ADGRV1: variants seen among roughly 807,000 people sequenced by gnomAD.
ADGRV1 encodes the protein adhesion G protein-coupled receptor V1, also known as G-protein coupled receptor 98.
ADGRV1 carries 359 observed loss-of-function variants against 596.2 expected under a neutral mutation model. That is an observed-to-expected ratio of 0.60 (90% CI 0.55 to 0.66). The LOEUF is 0.66. Among genes scored for constraint, ADGRV1 ranks in the 30% least tolerant of loss-of-function variants. ADGRV1 has a pLI of 0.00. For synonymous variants in ADGRV1, 2,681 were observed against 2,679.2 expected (o/e 1.00, Z -0.02); for missense variants, 7,274 against 7,575.6 (o/e 0.96, Z 1.48).
intron 87 of ADGRV1, among the ~76,000 whole-genome samples, chr5:91,147,398 A>G (rs1388062281): frequency 2.6e-5 from 4 of 152,218 alleles, no homozygotes; most frequent in East Asian, 1.9e-4. Context: ...CCCCACCCAA[A>G]TCTCGCCTTG....
rs745735875 is a variant in ADGRV1, at chr5:91,150,207, G to A, written c.18610G>A (p.Gly6204Ser). Residue 6204 changes from glycine (G) to serine (S), a missense_variant, in exon 88 of 90, where the codon GGT becomes AGT. By Grantham distance (56) the Gly-to-Ser change is moderately conservative (BLOSUM62 0). Around this residue, in one of 5 missense-constraint regions of ADGRV1, gnomAD observed 1,874 missense variants for 1,970.2 expected, o/e 0.95. Transcript: ENST00000405460. ...EISKSTQNLI[G>S]AMEEVPPDWE... ...CAGCAAGTCCACCCAGAATCTCATC[G>A]GTGCTATGGAGGAGGTGTCTGCCCT... is the stretch of plus-strand genomic sequence containing the variant. The A allele has an allele frequency of 2.1e-5, 33 of 1,572,522 alleles. No individual in the cohort carries two copies. Among genetic ancestry groups the A allele is most frequent in the Middle Eastern group, 3.5e-4 (2 of 5,700 alleles).
Position 90,681,310 on chromosome 5 carries a change from T to C in ADGRV1, c.5525-5T>C. ...TTTTCTATTTGTTGGAACTTGTTCA[T>C]GCAGCCAGTCTAGGAGTGGCTTCCC... is the stretch of plus-strand genomic sequence containing the variant. On this transcript the variant is annotated splice_polypyrimidine_tract_variant and splice_region_variant and intron_variant, in intron 26 of 89. Transcript: ENST00000405460. 1 of 1,611,804 alleles carries C rather than the reference T, an allele frequency of 6.2e-7. No individual in the cohort carries two copies. The highest frequency in any genetic ancestry group is 8.5e-7 in the Non-Finnish European group (1 of 1,179,042).
At chr5:91,132,663 A>T (rs894427216) in intron 87 of ADGRV1, among the ~76,000 whole-genome samples, 8 of 152,260 alleles carry the variant, frequency 5.3e-5, no homozygotes, top group Non-Finnish European at 8.8e-5. Context: ...TTCCTGAGGA[A>T]GTGAAATCAG....
chr5:90,991,899 A>C (rs1233197300), intron 85 of ADGRV1, among the ~76,000 whole-genome samples: 1 of 152,242 alleles, frequency 6.6e-6, no homozygotes, highest in East Asian at 1.9e-4. Flanking sequence ...GTTAGAGAGC[A>C]CATTTACTTA....
chr5:90,653,808 A>G lies in ADGRV1; in HGVS notation c.4234A>G (p.Lys1412Glu). ...GGGTTCCAATGCTACATACATTGCC[A>G]AGACAACAGTCATGAAATATTTAGA... The part of the protein sequence containing the change: ...TLGSNATYIA[K>E]TTVMKYLEES... The change falls in exon 20 of 90, where the codon AAG becomes GAG. Residue 1412 changes from lysine (K) to glutamate (E), a missense_variant. Transcript: ENST00000405460. The G allele has an allele frequency of 6.2e-7, 1 of 1,613,586 alleles. No individual in the cohort carries two copies. Among genetic ancestry groups the G allele is most frequent in the Non-Finnish European group, 8.5e-7 (1 of 1,179,712 alleles).
chr5:91,149,263 A>G (rs968950406), intron 87 of ADGRV1, among the ~76,000 whole-genome samples: 7 of 152,128 alleles, frequency 4.6e-5, no homozygotes, highest in African/African-American at 1.7e-4. Flanking sequence ...GTTCTCCACA[A>G]CTCACCTTGA....
At chr5:90,906,696 GAT>G (rs1772356378) in intron 83 of ADGRV1, among the ~76,000 whole-genome samples, 2 of 151,972 alleles carry the variant, frequency 1.3e-5, no homozygotes, top group South Asian at 4.2e-4. Context: ...TTGTTTCACT[GAT>G]GTTTTGTATT....
At chr5:90,956,648 C>T (rs932048511) in intron 83 of ADGRV1, among the ~76,000 whole-genome samples, 3 of 152,150 alleles carry the variant, frequency 2.0e-5, no homozygotes, top group African/African-American at 4.8e-5. Flanking sequence ...CCTTTGCACT[C>T]GTTGTTCTTC....
At chr5:90,811,854 A>G (rs962275858) in intron 74 of ADGRV1, among the ~76,000 whole-genome samples, 2 of 151,350 alleles carry the variant, frequency 1.3e-5, no homozygotes, top group African/African-American at 4.9e-5. Flanking sequence ...AAATTTTAAT[A>G]ATTTTTTTGT....
intron 67 of ADGRV1, 108 bp downstream of exon 67, chr5:90,784,165 T>A: frequency 1.4e-6 from 1 of 721,824 alleles, no homozygotes; most frequent in Non-Finnish European, 2.2e-6. Flanking sequence ...CCAATCAATA[T>A]TTATTAATTA....
At chr5:91,063,876 ATGG>A in intron 85 of ADGRV1, among the ~76,000 whole-genome samples, 1 of 150,990 alleles carries the variant, frequency 6.6e-6, no homozygotes, top group East Asian at 1.9e-4. Context: ...GGTGGTGGTG[ATGG>A]TGGTGATGCT....
chr5:91,051,785 T>G (rs1282686864), intron 85 of ADGRV1, among the ~76,000 whole-genome samples: 3 of 151,880 alleles, frequency 2.0e-5, no homozygotes, highest in Admixed American at 6.6e-5. Flanking sequence ...CTTAGGATAT[T>G]TTTGACTTAA....
At position 91,163,850 on chromosome 5, in the gene ADGRV1, T is replaced by C; in HGVS notation, c.18871T>C (p.Ser6291Pro). ...GSQEGGTLTD[S>P]QIVELRRIPI... ...CCAGGAGGGGGGCACCTTGACTGAC[T>C]CCCAGATCGTGGAGCTCAGGAGGAT... Residue 6291 changes from serine (S) to proline (P), a missense_variant, in exon 90 of 90, where the codon TCC (serine) becomes CCC (proline). Ser to Pro is a moderately conservative substitution (Grantham distance 74). This residue lies in a region of ADGRV1 where 1,874 missense variants were observed against 1,970.2 expected (regional missense o/e 0.95). Transcript: ENST00000405460. 6.2e-7 allele frequency: 1 copy of C among 1,607,826 alleles called. No individual in the cohort carries two copies. Among genetic ancestry groups the C allele is most frequent in the Non-Finnish European group, 8.5e-7 (1 of 1,175,836 alleles).
In ADGRV1 at chr5:90,684,143, C is replaced by G. The variant is rs1457848904; in HGVS notation, c.6222C>G (p.Val2074=). The G allele has an allele frequency of 6.2e-7, 1 of 1,613,804 alleles. No individual in the cohort carries two copies. Among genetic ancestry groups the G allele is most frequent in the Non-Finnish European group, 8.5e-7 (1 of 1,179,814 alleles). The change falls in exon 28 of 90, where the codon GTC becomes GTG. Residue 2074 remains valine, a synonymous_variant. Transcript: ENST00000405460. ...DDDEPERSES[V]FIELLNSTLV... ...ATGAGCCAGAAAGGTCCGAATCTGTCTTTATCGAACTACTCAACTCTACTT... is the reference window on the plus strand; with the variant it reads ...ATGAGCCAGAAAGGTCCGAATCTGTGTTTATCGAACTACTCAACTCTACTT...
intron 57 of ADGRV1, 143 bp from the exon 58 acceptor site, chr5:90,759,266 C>G: frequency 1.7e-6 from 1 of 597,796 alleles, no homozygotes; most frequent in Middle Eastern, 4.1e-4. Flanking sequence ...TTTTTAGTAC[C>G]ATGTTTCTGA....
intron 83 of ADGRV1, among the ~76,000 whole-genome samples, chr5:90,911,956 C>T (rs1396225322): frequency 6.6e-6 from 1 of 151,984 alleles, no homozygotes; most frequent in Non-Finnish European, 1.5e-5. Context: ...AGCATAAAAG[C>T]AGCATGTCAG....
chr5:91,104,065 G>A (rs1283165139), intron 87 of ADGRV1, among the ~76,000 whole-genome samples: 1 of 151,930 alleles, frequency 6.6e-6, no homozygotes, highest in Non-Finnish European at 1.5e-5. Flanking sequence ...ATTTTTCTTT[G>A]TATTGTTCTA....
chr5:90,876,834 C>A (rs148961878), intron 83 of ADGRV1, among the ~76,000 whole-genome samples: 427 of 152,274 alleles, frequency 2.8e-3, no homozygotes, highest in African/African-American at 9.8e-3. Flanking sequence ...GTTATTCATT[C>A]ATTGCTCCCG....
At chr5:90,986,484 A>G (rs1780509830) in intron 85 of ADGRV1, among the ~76,000 whole-genome samples, 1 of 152,132 alleles carries the variant, frequency 6.6e-6, no homozygotes, top group East Asian at 1.9e-4. Flanking sequence ...TGTATTTCAC[A>G]CATAGGCAAT....
Sources: gnomAD v4.1 joint callset for allele counts (sites outside exome capture counted in the v4.1 genomes callset) on GRCh38, gnomAD v4.1.1 for gene constraint, gnomAD v4.1.1 regional missense constraint, MANE v1.5 for transcripts, NCBI Gene and HGNC (gene_info 2026-07-23, HGNC 2026-07-21) for gene names.